The following MED13L variants were observed in gnomAD, a reference collection of about 807,000 sequenced individuals.
The protein encoded by MED13L is mediator of RNA polymerase II transcription subunit 13-like.
In MED13L, 7 loss-of-function variants were observed where a neutral mutation model predicts 220.9. That is an observed-to-expected ratio of 0.03 (90% confidence interval 0.02 to 0.06). The LOEUF (loss-of-function observed/expected upper bound fraction) is 0.06. Ranked by LOEUF, MED13L falls within the 10% of genes least tolerant of loss-of-function variation. The probability of loss-of-function intolerance (pLI) is 1.00; values close to 1 mark genes in which losing one functional copy is unlikely to be tolerated. For missense variants in MED13L, 1,965 were observed against 2,760.5 expected (o/e 0.71, Z 6.46); for synonymous variants, 1,011 against 1,015.2 (o/e 1.00, Z 0.08).
intron 2 of MED13L, among the ~76,000 whole-genome samples, chr12:116,189,283 T>C (rs1422503402): frequency 1.3e-5 from 2 of 152,188 alleles, no homozygotes; most frequent in African/African-American, 2.4e-5. Context: ...AACATCTTTT[T>C]ATATGCTTAC....
intron 15 of MED13L, 89 bp from the exon 16 acceptor site, chr12:115,996,770 C>A: frequency 4.1e-6 from 5 of 1,220,632 alleles, no homozygotes; most frequent in South Asian, 1.3e-5. Flanking sequence ...AAACAGCAAC[C>A]AAAATGATCG....
At chr12:116,086,494 C>T (rs1871706188) in intron 4 of MED13L, among the ~76,000 whole-genome samples, 1 of 152,018 alleles carries the variant, frequency 6.6e-6, no homozygotes, top group South Asian at 2.1e-4. Context: ...GTTGGTCAGG[C>T]TGGTCTCAAA....
intron 4 of MED13L, among the ~76,000 whole-genome samples, chr12:116,053,583 C>G (rs776998545): frequency 6.6e-6 from 1 of 152,098 alleles, no homozygotes; most frequent in East Asian, 1.9e-4. Flanking sequence ...TTAATTCTCA[C>G]AACAACTCTA....
At chr12:116,131,534 C>T (rs1056422829) in intron 2 of MED13L, among the ~76,000 whole-genome samples, 18 of 152,180 alleles carry the variant, frequency 1.2e-4, no homozygotes, top group Admixed American at 2.6e-4. Context: ...CTCTGCATTA[C>T]GCTGGGCACA....
rs1877393820 is a variant in MED13L, at chr12:115,982,450, C to T, written c.5109G>A (p.Leu1703=). 1.9e-6 allele frequency: 3 copies of T among 1,614,066 alleles called. No homozygotes were observed. Among genetic ancestry groups the T allele is most frequent in the Admixed American group, 3.3e-5 (2 of 60,000 alleles). The part of the protein sequence containing the change: ...STSGNFWLLS[L]MRCYTEMLDN... ...CCAGCATTTCTGTGTAGCAGCGCAT[C>T]AAGCTCAACAGCCAAAAGTTCCCAG... The change falls in exon 22 of 31, where the codon TTG becomes TTA. Residue 1703 remains leucine (L), a synonymous_variant. Transcript: ENST00000281928.
intron 1 of MED13L, among the ~76,000 whole-genome samples, chr12:116,273,574 G>A (rs984775494): frequency 2.0e-5 from 3 of 151,728 alleles, no homozygotes; most frequent in Non-Finnish European, 2.9e-5. Flanking sequence ...AAAGAAAGTA[G>A]GTCAACAATA....
chr12:116,010,586 GA>G (rs1879330786), intron 9 of MED13L, among the ~76,000 whole-genome samples: 1 of 152,160 alleles, frequency 6.6e-6, no homozygotes, highest in South Asian at 2.1e-4. Context: ...GTCTCAGCAG[GA>G]AAAGAACCTG....
intron 6 of MED13L, 151 bp downstream of exon 6, chr12:116,019,627 A>G: frequency 9.0e-7 from 1 of 1,107,062 alleles, no homozygotes; most frequent in South Asian, 1.4e-5. Context: ...GCTTCAGGCA[A>G]GATAACTACT....
chr12:116,196,348 G>C (rs894309245), intron 2 of MED13L, among the ~76,000 whole-genome samples: 1 of 150,718 alleles, frequency 6.6e-6, no homozygotes, highest in African/African-American at 2.4e-5. Flanking sequence ...GAGCAAAATT[G>C]AAAACAGGGC....
chr12:116,091,916 C>A (rs1433321115), intron 4 of MED13L, among the ~76,000 whole-genome samples: 1 of 152,100 alleles, frequency 6.6e-6, no homozygotes, highest in Non-Finnish European at 1.5e-5. Flanking sequence ...GTTTCTGTAC[C>A]CATTCTACAA....
intron 2 of MED13L, among the ~76,000 whole-genome samples, chr12:116,197,604 T>C (rs139287524): frequency 0.019 from 2,906 of 151,984 alleles, 53 homozygotes; most frequent in Middle Eastern, 0.051. Context: ...CCATCTCTAC[T>C]AAAAATACAA....
At chr12:116,073,306 G>A (rs762933281) in intron 4 of MED13L, among the ~76,000 whole-genome samples, 6 of 152,148 alleles carry the variant, frequency 3.9e-5, no homozygotes, top group Non-Finnish European at 8.8e-5. Context: ...CTTCTTTCTA[G>A]TCTGGCTCCA....
At chr12:116,260,514 C>A (rs1872431318) in intron 1 of MED13L, among the ~76,000 whole-genome samples, 1 of 151,782 alleles carries the variant, frequency 6.6e-6, no homozygotes, top group African/African-American at 2.4e-5. Flanking sequence ...ACATGTGAGG[C>A]AAAAAATACA....
chr12:116,124,172 G>C (rs1336117951), intron 2 of MED13L, among the ~76,000 whole-genome samples: 1 of 145,306 alleles, frequency 6.9e-6, no homozygotes, highest in African/African-American at 2.5e-5. Context: ...GAGAGACAGA[G>C]AGAGACAGAG....
At chr12:115,963,225 T>G (rs564766831) in intron 30 of MED13L, among the ~76,000 whole-genome samples, 182 bp downstream of exon 30, 3 of 152,136 alleles carry the variant, frequency 2.0e-5, no homozygotes, top group Non-Finnish European at 4.4e-5. Flanking sequence ...TCCAATGTAT[T>G]ACACCGCCTG....
At chr12:116,092,216 C>T (rs940827050) in intron 4 of MED13L, among the ~76,000 whole-genome samples, 7 of 152,198 alleles carry the variant, frequency 4.6e-5, no homozygotes, top group Non-Finnish European at 1.0e-4. Context: ...AGCTACTGAT[C>T]TCATTTTTCT....
chr12:116,003,110 C>A lies in MED13L; in HGVS notation c.2470-8G>T. 4 of 1,612,124 alleles carry A rather than the reference C, an allele frequency of 2.5e-6. No homozygotes were observed. The highest frequency in any genetic ancestry group is 3.4e-6 in the Non-Finnish European group (4 of 1,178,212). ...CAGAGCAGGTGATACAGCCTAAGAA[C>A]AGACGGTGTTATTAAAACAGAGTGA... is the stretch of plus-strand genomic sequence containing the variant. On this transcript the variant is annotated splice_polypyrimidine_tract_variant and splice_region_variant and intron_variant, in intron 13 of 30. Coordinates refer to ENST00000281928, the MANE Select transcript of MED13L (RefSeq NM_015335.5).
chr12:116,170,426 T>G (rs1879586341), intron 2 of MED13L, among the ~76,000 whole-genome samples: 1 of 152,074 alleles, frequency 6.6e-6, no homozygotes, highest in Non-Finnish European at 1.5e-5. Context: ...TTCTCTCAAG[T>G]ATGATGCTCC....
chr12:116,108,446 CAT>C (rs1873793871), intron 3 of MED13L, among the ~76,000 whole-genome samples: 1 of 150,892 alleles, frequency 6.6e-6, no homozygotes, highest in South Asian at 2.1e-4. Flanking sequence ...TCATGATATC[CAT>C]CACCACAGAT....
Sources: gnomAD v4.1 joint callset for allele counts (sites outside exome capture counted in the v4.1 genomes callset) on GRCh38, gnomAD v4.1.1 for gene constraint, MANE v1.5 for transcripts, NCBI Gene and HGNC (gene_info 2026-07-23, HGNC 2026-07-21) for gene names.